SH3BP5: variants seen among roughly 807,000 people sequenced by gnomAD.
SH3BP5 encodes the protein SH3 domain-binding protein 5.
A neutral mutation model predicts 43.3 loss-of-function variants in SH3BP5; 22 were observed. The observed-to-expected ratio is 0.51, with a 90% CI of 0.36 to 0.73. The LOEUF (loss-of-function observed/expected upper bound fraction) is 0.73, where lower values mean the gene tolerates loss of function less well. Ranked by LOEUF, SH3BP5 falls within the 30% of genes least tolerant of loss-of-function variation. The pLI, the probability that SH3BP5 is intolerant of heterozygous loss-of-function variation, is 0.00. For synonymous variants in SH3BP5, 255 were observed against 225.8 expected (o/e 1.13, Z -1.16); for missense variants, 529 against 586.9 (o/e 0.90, Z 1.02).
chr3:15,276,455 C>G (rs145597290), intron 3 of SH3BP5, among the ~76,000 whole-genome samples: 1 of 152,162 alleles, frequency 6.6e-6, no homozygotes, highest in Non-Finnish European at 1.5e-5. Flanking sequence ...GTGTACCCCC[C>G]GGAGTAACTC....
intron 2 of SH3BP5, among the ~76,000 whole-genome samples, chr3:15,319,781 C>G (rs1457260850): frequency 6.6e-6 from 1 of 152,158 alleles, no homozygotes; most frequent in African/African-American, 2.4e-5. Flanking sequence ...CTGTCAGACA[C>G]AAGAGTAGGC....
intron 2 of SH3BP5, among the ~76,000 whole-genome samples, chr3:15,311,568 A>AT (rs1698059099): frequency 6.8e-3 from 1 of 148 alleles, no homozygotes; most frequent in Non-Finnish European, 0.014. Flanking sequence ...AAAAAGAAAA[A>AT]CAAAGAAAAC....
At chr3:15,333,508 A>G (rs1698662869), upstream of SH3BP5, among the ~76,000 whole-genome samples, 1 of 152,212 alleles carries the variant, frequency 6.6e-6, no homozygotes, top group African/African-American at 2.4e-5. Context: ...AAGCCACCTT[A>G]CAAAACCTGG....
At chr3:15,265,512 T>TCA (rs368955496) in intron 4 of SH3BP5, among the ~76,000 whole-genome samples, 4,344 of 107,884 alleles carry the variant, frequency 0.04, 149 homozygotes, top group Admixed American at 0.055. Context: ...CGAGACTCCG[T>TCA]CACACACACA....
At chr3:15,269,664 C>T (rs779911325) in intron 4 of SH3BP5, 49 bp downstream of exon 4, 27 of 1,482,860 alleles carry the variant, frequency 1.8e-5, no homozygotes, top group South Asian at 5.5e-5. Context: ...GGGAAGCCAG[C>T]GCGCATGCAC....
chr3:15,310,051 T>C (rs1214913688), intron 2 of SH3BP5, among the ~76,000 whole-genome samples: 1 of 152,030 alleles, frequency 6.6e-6, no homozygotes, highest in African/African-American at 2.4e-5. Context: ...ACAGCCGTAA[T>C]ATTCCTTGGT....
chr3:15,282,591 C>T (rs1319876751), intron 3 of SH3BP5, among the ~76,000 whole-genome samples: 2 of 151,474 alleles, frequency 1.3e-5, no homozygotes, highest in African/African-American at 4.9e-5. Context: ...AAAATAACCA[C>T]GGTTTCTAGT....
At chr3:15,259,196 A>C in intron 6 of SH3BP5, 146 bp from the exon 7 acceptor site, 1 of 660,532 alleles carries the variant, frequency 1.5e-6, no homozygotes, top group Non-Finnish European at 2.6e-6. Context: ...TTACCATTGT[A>C]ACTGCTATTC....
At chr3:15,314,810 C>A (rs1698147067) in intron 2 of SH3BP5, among the ~76,000 whole-genome samples, 1 of 152,176 alleles carries the variant, frequency 6.6e-6, no homozygotes, top group Admixed American at 6.5e-5. Flanking sequence ...GGACCTAATT[C>A]CCCTTCCCCT....
At chr3:15,258,800 C>G (rs537777951) in intron 7 of SH3BP5, 31 bp downstream of exon 7, 35 of 1,565,274 alleles carry the variant, frequency 2.2e-5, no homozygotes, top group South Asian at 1.9e-4. Context: ...TCTGATATCT[C>G]CCCACATACC....
At chr3:15,306,054 T>TAAAAAAAAA (rs60186514) in intron 2 of SH3BP5, among the ~76,000 whole-genome samples, 52,675 of 135,750 alleles carry the variant, frequency 0.39, 10,802 homozygotes, top group East Asian at 0.57. Context: ...TGCATGAGTT[T>TAAAAAAAAA]AAAAAAAAAA....
In SH3BP5 at chr3:15,266,412, C is replaced by T. The variant is rs543913391; in HGVS notation, c.495+3301G>A. On this transcript the variant is annotated intron_variant, in intron 4 of 8. Transcript: ENST00000383791. ...ACCTGGGGCTAGTTCAGAAACAGTT[C>T]GTGCCTCTCATTTCCAAGTCACATT... Among the ~76,000 whole-genome samples, 7 of 152,272 alleles carry T rather than the reference C, an allele frequency of 4.6e-5. No individual in the cohort carries two copies. In the South Asian group the frequency reaches 8.3e-4, roughly 18 times the overall value.
At chr3:15,259,933 CA>C (rs1696370566) in intron 5 of SH3BP5, 130 bp from the exon 6 acceptor site, 1 of 800,030 alleles carries the variant, frequency 1.2e-6, no homozygotes, top group Non-Finnish European at 2.2e-6. Context: ...AAACTCTTAA[CA>C]AGGCCGTGAC....
At chr3:15,302,064 T>C (rs999933927) in intron 3 of SH3BP5, among the ~76,000 whole-genome samples, 5 of 152,154 alleles carry the variant, frequency 3.3e-5, no homozygotes, top group Non-Finnish European at 7.3e-5. Context: ...TTCCTCGATA[T>C]TTATCCAATG....
At chr3:15,262,421 A>G (rs1696481824) in intron 4 of SH3BP5, 132 bp from the exon 5 acceptor site, 1 of 1,115,832 alleles carries the variant, frequency 9.0e-7, no homozygotes, top group African/African-American at 1.6e-5. Flanking sequence ...GCACTTTGGG[A>G]GGCCAAGGTG....
At chr3:15,331,941 A>C in intron 1 of SH3BP5, 13 of 231,782 alleles carry the variant, frequency 5.6e-5, no homozygotes, top group Non-Finnish European at 7.7e-5. Context: ...GGGCAGGGGT[A>C]CCCCCGAGGA....
chr3:15,289,774 C>T (rs1697361283), intron 3 of SH3BP5, among the ~76,000 whole-genome samples: 1 of 152,134 alleles, frequency 6.6e-6, no homozygotes, highest in Admixed American at 6.5e-5. Context: ...ACTAATACGG[C>T]ATCTTACACC....
At position 15,265,561 on chromosome 3, in the gene SH3BP5, A is replaced by ACACACACACAC. The variant is rs1553613901; in HGVS notation, c.496-3273_496-3272insGTGTGTGTGTG. On this transcript the variant is annotated intron_variant, in intron 4 of 8. Transcript: ENST00000383791. ...ACACACACACACACACACACACACA[A>ACACACACACAC]CCCTCCAGCTCCTGGAAGAGACCTC... is the stretch of plus-strand genomic sequence containing the variant. Among the ~76,000 whole-genome samples, 37 of 44,498 alleles carry ACACACACACAC rather than the reference A, an allele frequency of 8.3e-4. 1 individual carries two copies. Among genetic ancestry groups the ACACACACACAC allele is most frequent in the African/African-American group, 2.8e-3 (28 of 9,826 alleles). 29.2% of individuals were successfully genotyped at this position (44,498 alleles called of 152,430 possible). A position where few individuals can be genotyped will look rare whatever the true frequency, so the allele number is the denominator to read the frequency against.
intron 1 of SH3BP5, among the ~76,000 whole-genome samples, chr3:15,340,691 C>T (rs944674091): frequency 6.6e-6 from 1 of 151,692 alleles, no homozygotes; most frequent in Non-Finnish European, 1.5e-5. Context: ...GCGGAGGTTG[C>T]AGTAAGCCAA....
Sources: allele counts gnomAD v4.1 joint callset (sites outside exome capture counted in the v4.1 genomes callset), GRCh38; gene constraint gnomAD v4.1.1; transcripts MANE v1.5; gene names NCBI Gene and HGNC (gene_info 2026-07-23, HGNC 2026-07-21).